Variants in SORCS2 observed in about 807,000 individuals in gnomAD.
SORCS2 encodes the protein VPS10 domain-containing receptor SorCS2.
SORCS2 carries 100 observed loss-of-function variants against 141.6 expected under a neutral mutation model. The ratio of observed to expected loss-of-function variants is 0.71; its 90% CI spans 0.60 to 0.83. SORCS2 has a LOEUF of 0.83. Among genes scored for constraint, SORCS2 ranks in the 40% least tolerant of loss-of-function variants. The probability of loss-of-function intolerance (pLI) is 0.00; values close to 1 mark genes in which losing one functional copy is unlikely to be tolerated. For missense variants in SORCS2, 1,646 were observed against 1,560.2 expected, an observed-to-expected ratio of 1.05 and a Z score of -0.93; for synonymous variants, 789 against 676.9, an observed-to-expected ratio of 1.17 and a Z score of -2.57.
chr4:7,314,339 TTATTTTTTTTTA>T (rs763769568), intron 1 of SORCS2, among the ~76,000 whole-genome samples: 27,113 of 100,334 alleles, frequency 0.27, 3,215 homozygotes, highest in South Asian at 0.49. Flanking sequence ...TTTATTTTTT[TTATTTTTTTTTA>T]TTTTTTGAGA....
intron 19 of SORCS2, among the ~76,000 whole-genome samples, chr4:7,724,319 GTGGTGATAGGGTGA>G (rs1332282847): frequency 1.4e-5 from 2 of 142,306 alleles, no homozygotes; most frequent in South Asian, 2.3e-4. Context: ...GGTGGTGGTG[GTGGTGATAGGGTGA>G]TGGTGATGAT....
At chr4:7,582,201 T>G (rs958514280) in intron 3 of SORCS2, among the ~76,000 whole-genome samples, 3 of 152,210 alleles carry the variant, frequency 2.0e-5, no homozygotes, top group Non-Finnish European at 4.4e-5. Context: ...ATTTTACAGA[T>G]GCTGAAACTG....
At chr4:7,328,274 G>C (rs1470561027) in intron 1 of SORCS2, among the ~76,000 whole-genome samples, 3 of 150,454 alleles carry the variant, frequency 2.0e-5, no homozygotes, top group African/African-American at 7.4e-5. Flanking sequence ...GGCTTCAAGT[G>C]ATCCACCCAC....
chr4:7,275,313 C>A (rs1560157373), intron 1 of SORCS2, among the ~76,000 whole-genome samples: 1 of 152,186 alleles, frequency 6.6e-6, no homozygotes, highest in Non-Finnish European at 1.5e-5. Flanking sequence ...GTTGAGGGCT[C>A]TGCAGACAGG....
intron 4 of SORCS2, among the ~76,000 whole-genome samples, chr4:7,652,171 A>G (rs1229196448): frequency 6.6e-6 from 1 of 152,138 alleles, no homozygotes; most frequent in Non-Finnish European, 1.5e-5. Flanking sequence ...GCTGTGCCCA[A>G]GAGCTGGCTT....
intron 3 of SORCS2, among the ~76,000 whole-genome samples, chr4:7,613,514 A>G (rs1264699840): frequency 1.3e-5 from 2 of 152,118 alleles, no homozygotes; most frequent in Admixed American, 6.5e-5. Flanking sequence ...ACTAAGGAGC[A>G]CTCTGGGCCC....
chr4:7,296,372 C>T (rs1367847077), intron 1 of SORCS2, among the ~76,000 whole-genome samples: 1 of 152,210 alleles, frequency 6.6e-6, no homozygotes, highest in Non-Finnish European at 1.5e-5. Flanking sequence ...GTTTTAGGAG[C>T]CGAGGTTGGG....
chr4:7,401,288 T>C lies in SORCS2; in HGVS notation c.548+4933T>C, dbSNP rs374512778. ...ATGGATAGACAGATGAATGGATTGA[T>C]GGATTGATAAATGGATGGATAGGCA... On this transcript the variant is annotated intron_variant, in intron 2 of 26. Transcript: ENST00000507866. 8.3e-4 allele frequency among the ~76,000 whole-genome samples: 126 copies of C among 152,150 alleles called. 1 individual carries two copies. The highest frequency in any genetic ancestry group is 2.9e-3 in the African/African-American group (121 of 41,522).
chr4:7,558,610 C>A (rs558330377), intron 3 of SORCS2, among the ~76,000 whole-genome samples: 1 of 152,124 alleles, frequency 6.6e-6, no homozygotes, highest in Non-Finnish European at 1.5e-5. Context: ...TTCATTCCCA[C>A]GCACATGAGC....
chr4:7,380,812 G>A (rs1224669735), intron 1 of SORCS2, among the ~76,000 whole-genome samples: 1 of 152,232 alleles, frequency 6.6e-6, no homozygotes, highest in Non-Finnish European at 1.5e-5. Flanking sequence ...TTAATTAGGT[G>A]CGGTGGCTCA....
chr4:7,675,156 T>C (rs949004340), intron 8 of SORCS2, among the ~76,000 whole-genome samples: 2 of 152,180 alleles, frequency 1.3e-5, no homozygotes, highest in Non-Finnish European at 2.9e-5. Flanking sequence ...GTATTCCCAG[T>C]TTTCCTTTTT....
At chr4:7,362,889 A>G (rs989333246) in intron 1 of SORCS2, among the ~76,000 whole-genome samples, 8 of 149,020 alleles carry the variant, frequency 5.4e-5, no homozygotes, top group African/African-American at 2.0e-4. Context: ...CTCTACCATC[A>G]TTCCTACCAG....
intron 3 of SORCS2, among the ~76,000 whole-genome samples, chr4:7,575,351 ATAAT>A (rs1412709939): frequency 4.6e-5 from 7 of 152,376 alleles, no homozygotes; most frequent in South Asian, 2.1e-4. Flanking sequence ...ATGTCAACAA[ATAAT>A]TAATGTGAAA....
At chr4:7,665,098 G>A (rs1722421488) in intron 7 of SORCS2, among the ~76,000 whole-genome samples, 1 of 152,214 alleles carries the variant, frequency 6.6e-6, no homozygotes, top group Non-Finnish European at 1.5e-5. Flanking sequence ...GTTCTGTTCT[G>A]CCCTCTGGGA....
At chr4:7,696,290 C>G (rs1170344940) in intron 11 of SORCS2, among the ~76,000 whole-genome samples, 1 of 152,174 alleles carries the variant, frequency 6.6e-6, no homozygotes, top group Non-Finnish European at 1.5e-5. Context: ...ATCCTGGAGA[C>G]TTGGACCCCT....
In SORCS2 at chr4:7,534,330, C is replaced by A. The variant is rs1042913003; in HGVS notation, c.648+2701C>A. ...TATCCTCAGTCCAGCTCTGCCAGGTCCCCCCCCATCAGGGAGCCACAGGTG... is the reference window on the plus strand; with the variant it reads ...TATCCTCAGTCCAGCTCTGCCAGGTACCCCCCCATCAGGGAGCCACAGGTG... On this transcript the variant is annotated intron_variant, in intron 3 of 26. Coordinates refer to ENST00000507866, the MANE Select transcript of SORCS2 (RefSeq NM_020777.3). Among the ~76,000 whole-genome samples the A allele has an allele frequency of 2.1e-4, 17 of 81,850 alleles. 1 individual carries two copies. The South Asian group carries it at 5.2e-3, about 25-fold the overall frequency. The allele number at this position is 81,850 out of a possible 152,430, so 53.7% of individuals were successfully genotyped here. A position where few individuals can be genotyped will look rare whatever the true frequency, so the allele number is the denominator to read the frequency against.
intron 3 of SORCS2, among the ~76,000 whole-genome samples, chr4:7,592,545 G>A (rs945827875): frequency 2.0e-5 from 3 of 152,264 alleles, no homozygotes; most frequent in African/African-American, 7.2e-5. Flanking sequence ...GGGGGAGTCA[G>A]TGGTGACAGT....
At chr4:7,631,008 G>A (rs1458415941) in intron 3 of SORCS2, among the ~76,000 whole-genome samples, 1 of 151,762 alleles carries the variant, frequency 6.6e-6, no homozygotes, top group Non-Finnish European at 1.5e-5. Flanking sequence ...GCTCTAGCGA[G>A]GCGAGAAGTG....
chr4:7,299,198 C>CT (rs1717272678), intron 1 of SORCS2, among the ~76,000 whole-genome samples: 1 of 152,236 alleles, frequency 6.6e-6, no homozygotes, highest in African/African-American at 2.4e-5. Flanking sequence ...TGGGGGTGGG[C>CT]CCCCTGGCAG....
Sources: allele counts gnomAD v4.1 joint callset (sites outside exome capture counted in the v4.1 genomes callset), GRCh38; gene constraint gnomAD v4.1.1; transcripts MANE v1.5; gene names NCBI Gene and HGNC (gene_info 2026-07-23, HGNC 2026-07-21).